Variants in ZNF438 observed in about 807,000 individuals in gnomAD.
ZNF438 encodes the protein zinc finger protein 438.
In ZNF438, 25 loss-of-function variants were observed where a neutral mutation model predicts 38.0. That is an observed-to-expected ratio of 0.66 (90% CI 0.48 to 0.92). The LOEUF is 0.92. Ranked by LOEUF, ZNF438 falls within the 40% of genes least tolerant of loss-of-function variation. The pLI is 0.00. For missense variants in ZNF438, 1,007 were observed against 999.6 expected (o/e 1.01, Z -0.10); for synonymous variants, 372 against 364.1 (o/e 1.02, Z -0.25).
chr10:31,014,420 G>C (rs2056008000), intron 1 of ZNF438, among the ~76,000 whole-genome samples: 4 of 152,218 alleles, frequency 2.6e-5, no homozygotes, highest in African/African-American at 7.2e-5. Context: ...GGAAGAGCAA[G>C]AGTAAGCTCT....
intron 3 of ZNF438, among the ~76,000 whole-genome samples, chr10:30,885,966 C>G (rs1422684211): frequency 6.6e-6 from 1 of 152,130 alleles, no homozygotes; most frequent in African/African-American, 2.4e-5. Context: ...CTCCAGTGGA[C>G]AGGACTAGGA....
rs58422289 is a variant in ZNF438, at chr10:30,874,114, G to GTA, written c.37+2882_37+2883dup. 4.3e-3 allele frequency among the ~76,000 whole-genome samples: 347 copies of GTA among 79,990 alleles called. 1 individual carries two copies. The highest frequency in any genetic ancestry group is 0.012 in the Middle Eastern group (2 of 166). The allele number at this position is 79,990 out of a possible 152,430, so 52.5% of individuals were successfully genotyped here. ...TGTGGGTGTGTGGGGGTGTGTGTGT[G>GTA]TATATATATATATATATATATATAT... On this transcript the variant is annotated intron_variant, in intron 4 of 5. Transcript: ENST00000413025.
intron 4 of ZNF438, among the ~76,000 whole-genome samples, chr10:30,850,838 T>C (rs1325922678): frequency 2.0e-5 from 3 of 152,232 alleles, no homozygotes; most frequent in Non-Finnish European, 4.4e-5. Flanking sequence ...TATATTCATC[T>C]CATCTTGATA....
At chr10:30,964,517 G>A (rs1355387532) in intron 1 of ZNF438, among the ~76,000 whole-genome samples, 4 of 152,176 alleles carry the variant, frequency 2.6e-5, no homozygotes, top group Non-Finnish European at 5.9e-5. Context: ...ACAATACCAG[G>A]CACAATGCTG....
intron 1 of ZNF438, among the ~76,000 whole-genome samples, chr10:30,982,107 T>A (rs943576437): frequency 1.3e-5 from 2 of 150,692 alleles, no homozygotes; most frequent in Non-Finnish European, 3.0e-5. Context: ...TTCTTTTTTT[T>A]TTTTTTATTT....
At chr10:30,950,227 T>A (rs2048000277) in intron 1 of ZNF438, among the ~76,000 whole-genome samples, 1 of 151,584 alleles carries the variant, frequency 6.6e-6, no homozygotes, top group African/African-American at 2.4e-5. Flanking sequence ...CATACCAGAA[T>A]CTCTGGGACG....
Position 31,020,550 on chromosome 10 carries a change from A to G in ZNF438, c.-192+11283T>C, listed in dbSNP as rs114652881. On this transcript the variant is annotated intron_variant, in intron 1 of 5. Transcript: ENST00000413025. Reference sequence around the variant, plus strand: ...AAGCAGCTTGAAGAGGTCATTATTTAGCTCTAGGGGGAATGAGATGTGACT... The same window carrying G: ...AAGCAGCTTGAAGAGGTCATTATTTGGCTCTAGGGGGAATGAGATGTGACT... 9.3e-3 allele frequency among the ~76,000 whole-genome samples: 1,423 copies of G among 152,290 alleles called. 25 individuals are homozygous for G. Among genetic ancestry groups the G allele is most frequent in the African/African-American group, 0.033 (1,358 of 41,568 alleles).
At chr10:31,007,581 G>T (rs900420845) in intron 1 of ZNF438, among the ~76,000 whole-genome samples, 2 of 152,142 alleles carry the variant, frequency 1.3e-5, no homozygotes, top group Non-Finnish European at 2.9e-5. Context: ...CGCCCGGCCA[G>T]ATCTTTTGTT....
At chr10:30,845,096 C>T (rs1194926297) in exon 6 of ZNF438, 1 of 1,614,176 alleles carries the variant, frequency 6.2e-7, no homozygotes, top group Non-Finnish European at 8.5e-7. Context: ...TCCGTCCCAG[C>T]ATCTCTGCAC....
chr10:30,857,619 C>T, intron 4 of ZNF438: 1 of 1,319,378 alleles, frequency 7.6e-7, no homozygotes, highest in Non-Finnish European at 1.0e-6. Context: ...AGATAACTCA[C>T]AGAAAATTAA....
At chr10:31,015,369 C>T (rs753686091) in intron 1 of ZNF438, among the ~76,000 whole-genome samples, 4 of 152,118 alleles carry the variant, frequency 2.6e-5, no homozygotes, top group Non-Finnish European at 4.4e-5. Flanking sequence ...TATGGCCGGA[C>T]GTGGTGGCTC....
Position 30,905,364 on chromosome 10 carries a change from C to T in ZNF438, c.-32+3569G>A, listed in dbSNP as rs79624211. 6.1e-3 allele frequency among the ~76,000 whole-genome samples: 922 copies of T among 152,320 alleles called. 12 individuals carry two copies. The highest frequency in any genetic ancestry group is 0.021 in the African/African-American group (885 of 41,570). ...GTGGCTATTCCCTAATGACTAACGA[C>T]GTTGCACATCTTTTCATGTGCTCAT... is the stretch of plus-strand genomic sequence containing the variant. On this transcript the variant is annotated intron_variant, in intron 3 of 5. Coordinates refer to ENST00000413025, the Ensembl canonical transcript of ZNF438.
intron 1 of ZNF438, among the ~76,000 whole-genome samples, chr10:30,956,212 G>A (rs1336979306): frequency 6.6e-6 from 1 of 152,130 alleles, no homozygotes; most frequent in Non-Finnish European, 1.5e-5. Context: ...CTACAGCAGT[G>A]ATTTTCAAAC....
intron 1 of ZNF438, among the ~76,000 whole-genome samples, chr10:30,944,920 ATTGTTAATT>A (rs1280096382): frequency 2.0e-5 from 3 of 151,746 alleles, no homozygotes; most frequent in African/African-American, 4.8e-5. Flanking sequence ...TTATTCTTAT[ATTGTTAATT>A]TGAACTTTCT....
chr10:30,934,869 AC>A (rs1272096826), intron 2 of ZNF438, among the ~76,000 whole-genome samples: 2 of 152,228 alleles, frequency 1.3e-5, no homozygotes, highest in Non-Finnish European at 2.9e-5. Context: ...TATCTACTAC[AC>A]TGAGGTATTA....
chr10:30,994,450 G>C (rs1345894491), intron 1 of ZNF438, among the ~76,000 whole-genome samples: 1 of 152,160 alleles, frequency 6.6e-6, no homozygotes, highest in Non-Finnish European at 1.5e-5. Context: ...AGGTAGGCTA[G>C]CTATCACAAG....
intron 2 of ZNF438, among the ~76,000 whole-genome samples, chr10:30,939,802 C>T (rs574500542): frequency 6.6e-6 from 1 of 152,344 alleles, no homozygotes; most frequent in South Asian, 2.1e-4. Flanking sequence ...ATATCCAGAG[C>T]TACAATCTCT....
chr10:30,889,234 C>T (rs2040367726), intron 3 of ZNF438, among the ~76,000 whole-genome samples: 2 of 152,154 alleles, frequency 1.3e-5, no homozygotes, highest in African/African-American at 2.4e-5. Flanking sequence ...GTTACTAAAG[C>T]TTTAGAGGAG....
At chr10:30,947,131 T>A (rs945382734) in intron 1 of ZNF438, among the ~76,000 whole-genome samples, 3 of 152,270 alleles carry the variant, frequency 2.0e-5, no homozygotes, top group African/African-American at 7.2e-5. Context: ...TTTTGGGTTA[T>A]CTTTGCCAAA....
Sources: gnomAD v4.1 joint callset for allele counts (sites outside exome capture counted in the v4.1 genomes callset) on GRCh38, gnomAD v4.1.1 for gene constraint, MANE v1.5 for transcripts, NCBI Gene and HGNC (gene_info 2026-07-23, HGNC 2026-07-21) for gene names.